Variants in ANO2 observed in about 807,000 individuals in gnomAD.
ANO2 encodes the protein anoctamin 2.
A neutral mutation model predicts 124.2 loss-of-function variants in ANO2; 101 were observed. The observed-to-expected ratio is 0.81, with a 90% CI of 0.69 to 0.96. The LOEUF (loss-of-function observed/expected upper bound fraction) is 0.96. Ranked by LOEUF, ANO2 falls within the 40% of genes least tolerant of loss-of-function variation. The pLI, the probability that ANO2 is intolerant of heterozygous loss-of-function variation, is 0.00. For synonymous variants in ANO2, 486 were observed against 482.5 expected (o/e 1.01, Z -0.09); for missense variants, 1,293 against 1,274.5 (o/e 1.01, Z -0.22).
chr12:5,681,880 T>C (rs1183080469), intron 14 of ANO2, among the ~76,000 whole-genome samples: 1 of 152,180 alleles, frequency 6.6e-6, no homozygotes, highest in Non-Finnish European at 1.5e-5. Context: ...AAGCAGACGG[T>C]CTCTTGGAAG....
chr12:5,727,960 C>G (rs1459723419), intron 14 of ANO2, among the ~76,000 whole-genome samples: 1 of 152,142 alleles, frequency 6.6e-6, no homozygotes. Context: ...GCGCCCGCCA[C>G]CACGCCCAGC....
chr12:5,586,845 T>G (rs1207596768), intron 20 of ANO2, among the ~76,000 whole-genome samples: 1 of 152,202 alleles, frequency 6.6e-6, no homozygotes, highest in Non-Finnish European at 1.5e-5. Flanking sequence ...GTCTAATATA[T>G]GGGGTAGTTT....
At chr12:5,814,601 T>C (rs1487767071) in intron 7 of ANO2, among the ~76,000 whole-genome samples, 1 of 152,266 alleles carries the variant, frequency 6.6e-6, no homozygotes, top group Non-Finnish European at 1.5e-5. Flanking sequence ...TCTTGGTTTA[T>C]TTTCTGTCTT....
At chr12:5,918,631 G>A (rs551785093) in intron 3 of ANO2, among the ~76,000 whole-genome samples, 1 of 152,140 alleles carries the variant, frequency 6.6e-6, no homozygotes, top group Admixed American at 6.5e-5. Context: ...AGTAGAGACA[G>A]TGTTTCACCA....
intron 15 of ANO2, among the ~76,000 whole-genome samples, chr12:5,639,167 GA>G (rs1946201193): frequency 6.6e-6 from 1 of 152,220 alleles, no homozygotes; most frequent in African/African-American, 2.4e-5. Flanking sequence ...GAAAAGGGAA[GA>G]GGGGCAAGTA....
At chr12:5,628,542 C>T (rs1207764868) in intron 16 of ANO2, among the ~76,000 whole-genome samples, 1 of 152,198 alleles carries the variant, frequency 6.6e-6, no homozygotes, top group African/African-American at 2.4e-5. Context: ...TTCTCTGTGT[C>T]TTCAGTCTTC....
At chr12:5,655,906 C>T (rs408365) in intron 14 of ANO2, among the ~76,000 whole-genome samples, 152,210 of 152,330 alleles carry the variant, frequency 1, 76,046 homozygotes, top group Middle Eastern at 1. Flanking sequence ...AAGAAGAGAA[C>T]AGTGTGACCA....
rs559427140 is a variant in ANO2, at chr12:5,635,452, T to A, written c.1621-105A>T. On this transcript the variant is annotated intron_variant, in intron 15 of 24. Coordinates refer to ENST00000682330, the MANE Select transcript of ANO2 (RefSeq NM_001364791.2). This position sits in a 1 kb window ranked among gnomAD's most constrained non-coding sequence, Gnocchi z 5.2. ...TTGCTGTTATCAGATATTATTAATCTGGAATCTTTTGTTGGGTAACAAGGG... is the reference window on the plus strand; with the variant it reads ...TTGCTGTTATCAGATATTATTAATCAGGAATCTTTTGTTGGGTAACAAGGG... 1 of 928,428 alleles carries A rather than the reference T, an allele frequency of 1.1e-6. No individual in the cohort carries two copies. Among genetic ancestry groups the A allele is most frequent in the Non-Finnish European group, 1.5e-6 (1 of 685,304 alleles). The allele number at this position is 928,428 out of a possible 1,614,324, so 57.5% of individuals were successfully genotyped here. A position where few individuals can be genotyped will look rare whatever the true frequency, so the allele number is the denominator to read the frequency against.
intron 23 of ANO2, among the ~76,000 whole-genome samples, chr12:5,570,035 A>G (rs1160056072): frequency 1.3e-5 from 2 of 152,224 alleles, no homozygotes; most frequent in Non-Finnish European, 2.9e-5. Context: ...CCTGAGCAAA[A>G]TTATGTTAAT....
chr12:5,935,933 AAT>A (rs1942629700), intron 1 of ANO2, among the ~76,000 whole-genome samples: 2 of 152,228 alleles, frequency 1.3e-5, no homozygotes, highest in South Asian at 4.1e-4. Context: ...CAGATCTTGA[AAT>A]ATTAGAAGAA....
rs369846400 is a variant in ANO2, at chr12:5,575,825, T to C, written c.2621+9A>G. The C allele has an allele frequency of 3.1e-6, 5 of 1,612,930 alleles. No individual in the cohort carries two copies. The East Asian group carries it at 6.7e-5, about 22-fold the overall frequency. On this transcript the variant is annotated intron_variant, in intron 23 of 24. Coordinates refer to ENST00000682330, the MANE Select transcript of ANO2 (RefSeq NM_001364791.2). ...TCCTCTGCTGCCCTTCTCCTGAAGATTACTTTACCTGCAGAACTGAACCTC... is the reference window on the plus strand; with the variant it reads ...TCCTCTGCTGCCCTTCTCCTGAAGACTACTTTACCTGCAGAACTGAACCTC...
chr12:5,752,618 G>A (rs1231845465), intron 10 of ANO2, among the ~76,000 whole-genome samples: 13 of 151,952 alleles, frequency 8.6e-5, no homozygotes, highest in Admixed American at 7.9e-4. Flanking sequence ...TATACATGTT[G>A]GATATTAATC....
At chr12:5,942,924 T>C (rs1440442097) in intron 1 of ANO2, among the ~76,000 whole-genome samples, 2 of 152,202 alleles carry the variant, frequency 1.3e-5, no homozygotes, top group South Asian at 2.1e-4. Context: ...CCCACCTTAC[T>C]GCTGCAAGAA....
chr12:5,851,186 C>T (rs1338250046), intron 4 of ANO2, among the ~76,000 whole-genome samples: 4 of 152,160 alleles, frequency 2.6e-5, no homozygotes, highest in Non-Finnish European at 5.9e-5. Flanking sequence ...GCAGGTACCA[C>T]CTAAAAACTA....
intron 3 of ANO2, among the ~76,000 whole-genome samples, chr12:5,872,071 G>A (rs1473441831): frequency 6.6e-6 from 1 of 152,196 alleles, no homozygotes; most frequent in African/African-American, 2.4e-5. Context: ...ACTAGCTCTA[G>A]GATGTCAGCC....
rs1344014382 is a variant in ANO2 at position 5,900,643 on chromosome 12, C to T, written c.534+20397G>A. Among the ~76,000 whole-genome samples the T allele has an allele frequency of 1.3e-5, 2 of 152,030 alleles. No homozygotes were observed. Among genetic ancestry groups the T allele is most frequent in the African/African-American group, 2.4e-5 (1 of 41,402 alleles). ...TGGGGGAGCATTTGCTCTACCTCCGCATTTAACGTGTGGTCCCTGCCATCC... is the reference window on the plus strand; with the variant it reads ...TGGGGGAGCATTTGCTCTACCTCCGTATTTAACGTGTGGTCCCTGCCATCC... On this transcript the variant is annotated intron_variant, in intron 3 of 24. Transcript: ENST00000682330. This position sits in a 1 kb window ranked among gnomAD's most constrained non-coding sequence, Gnocchi z 4.2.
intron 14 of ANO2, among the ~76,000 whole-genome samples, chr12:5,722,826 A>C (rs955832392): frequency 6.6e-6 from 1 of 152,372 alleles, no homozygotes; most frequent in African/African-American, 2.4e-5. Context: ...GGAAGGGCAC[A>C]AACCAAACTG....
chr12:5,694,476 G>A (rs1022003361), intron 14 of ANO2, among the ~76,000 whole-genome samples: 1 of 152,088 alleles, frequency 6.6e-6, no homozygotes, highest in African/African-American at 2.4e-5. Context: ...ACCAGCTCCC[G>A]AGTGTCCCCA....
chr12:5,700,885 G>A (rs1336285397), intron 14 of ANO2, among the ~76,000 whole-genome samples: 1 of 152,048 alleles, frequency 6.6e-6, no homozygotes, highest in African/African-American at 2.4e-5. Context: ...CTTCTAGTTT[G>A]AATCCCTAAT....
Sources: gnomAD v4.1 joint callset for allele counts (sites outside exome capture counted in the v4.1 genomes callset) on GRCh38, gnomAD v4.1.1 for gene constraint, Gnocchi (gnomAD v3.1) non-coding constraint, MANE v1.5 for transcripts, NCBI Gene and HGNC (gene_info 2026-07-23, HGNC 2026-07-21) for gene names.